The following SKA3 variants were observed in gnomAD, a reference collection of about 807,000 sequenced individuals.
SKA3 encodes spindle and kinetochore associated complex subunit 3.
Under a neutral mutation model 44.2 loss-of-function variants are expected in SKA3, and 39 were observed. The observed-to-expected ratio is 0.88, with a 90% CI of 0.68 to 1.15. The LOEUF is 1.15. Among genes scored for constraint, SKA3 ranks in the 50% most tolerant of loss-of-function variants. SKA3 has a pLI of 0.00. For missense variants in SKA3, 511 were observed against 485.8 expected (o/e 1.05, Z -0.49); for synonymous variants, 192 against 172.0 (o/e 1.12, Z -0.91).
At chr13:21,173,996 C>A (rs1595307948) in intron 1 of SKA3, among the ~76,000 whole-genome samples, 2 of 152,316 alleles carry the variant, frequency 1.3e-5, no homozygotes, top group African/African-American at 4.8e-5. Context: ...TCCTGCTCAT[C>A]ATCACTGGCC....
At position 21,172,355 on chromosome 13, in the gene SKA3, A is replaced by G. The variant is rs780368272; in HGVS notation, c.315T>C (p.Arg105=). 9.0e-6 allele frequency: 14 copies of G among 1,560,582 alleles called. No homozygotes were observed. Among genetic ancestry groups the G allele is most frequent in the Non-Finnish European group, 1.2e-5 (14 of 1,156,948 alleles). ...TATTCAAACCTGAATTTTTCTTGAC[A>G]CGTGGACTATATCCATACTTCTGGA... ...EYFQKYGYSP[R]VKKNSVHEQE... Residue 105 remains arginine (R), a synonymous_variant, in exon 3 of 9, where the codon CGT becomes CGC. Coordinates refer to ENST00000314759, the MANE Select transcript of SKA3 (RefSeq NM_145061.6).
chr13:21,166,471 C>T (rs1353478181), intron 4 of SKA3, among the ~76,000 whole-genome samples: 2 of 152,180 alleles, frequency 1.3e-5, no homozygotes, highest in Admixed American at 6.5e-5. Flanking sequence ...CAGTGGCTCA[C>T]GCCTGTAAAC....
chr13:21,159,957 G>A lies in SKA3; in HGVS notation c.860C>T (p.Pro287Leu). 1.2e-6 allele frequency: 2 copies of A among 1,606,924 alleles called. No homozygotes were observed. The highest frequency in any genetic ancestry group is 4.5e-5 in the East Asian group (2 of 44,402). Residue 287 changes from proline (P) to leucine (L), a missense_variant, in exon 6 of 9, where the codon CCT (proline) becomes CTT (leucine). Coordinates refer to ENST00000314759, the MANE Select transcript of SKA3 (RefSeq NM_145061.6). Reference protein sequence around the residue: ...DAEYTNSPLVPTFCTPGLKIP... With the variant: ...DAEYTNSPLVLTFCTPGLKIP... ...TTTCAAACCAGGAGTACAGAATGTA[G>A]GTACCAAAGGAGAGTTGGTATATTC... is the stretch of plus-strand genomic sequence containing the variant.
Position 21,155,645 on chromosome 13 carries a change from C to A in SKA3, c.1238+48G>T, listed in dbSNP as rs762045857. On this transcript the variant is annotated intron_variant, in intron 8 of 8. Coordinates refer to ENST00000314759, the MANE Select transcript of SKA3 (RefSeq NM_145061.6). ...TGGTCAAATGTTAATTTTTAAATGT[C>A]CTCCTCAAATAACACATGAACTTTC... 6 of 922,696 alleles carry A rather than the reference C, an allele frequency of 6.5e-6. No homozygotes were observed. The Admixed American group carries it at 1.1e-4, about 17-fold the overall frequency. The allele number at this position is 922,696 out of a possible 1,614,324, so 57.2% of individuals were successfully genotyped here.
chr13:21,158,211 G>A (rs1870242035), intron 6 of SKA3, 86 bp from the exon 7 acceptor site: 8 of 743,946 alleles, frequency 1.1e-5, no homozygotes, highest in African/African-American at 1.8e-5. Context: ...TACTTCTATT[G>A]GGGTCTCTAA....
At chr13:21,176,278 T>C in intron 1 of SKA3, 97 bp downstream of exon 1, 2 of 953,848 alleles carry the variant, frequency 2.1e-6, no homozygotes, top group South Asian at 2.1e-5. Flanking sequence ...ACGCCGTCAG[T>C]GCCTGGCGGT....
At chr13:21,168,786 C>G (rs1016632903) in intron 3 of SKA3, among the ~76,000 whole-genome samples, 5 of 152,000 alleles carry the variant, frequency 3.3e-5, no homozygotes, top group African/African-American at 4.8e-5. Context: ...CCTTGGCCCC[C>G]CAAAGTGATG....
intron 4 of SKA3, among the ~76,000 whole-genome samples, chr13:21,163,337 C>T (rs1870538544): frequency 6.6e-6 from 1 of 152,132 alleles, no homozygotes; most frequent in South Asian, 2.1e-4. Flanking sequence ...ACTTTAACTA[C>T]TTGTGTACTC....
Position 21,176,418 on chromosome 13 carries a change from G to A in SKA3, c.60C>T (p.Cys20=), listed in dbSNP as rs1413982245. The part of the protein sequence containing the change: ...KLRSLASTLD[C]ETARLQRALD... Reference sequence around the variant, plus strand: ...GCGCTCGCTGCAGCCGGGCCGTCTCGCAGTCCAGCGTGCTGGCCAGAGACC... The same window carrying A: ...GCGCTCGCTGCAGCCGGGCCGTCTCACAGTCCAGCGTGCTGGCCAGAGACC... The change falls in exon 1 of 9, where the codon TGC becomes TGT. Residue 20 remains cysteine (C), a synonymous_variant. Coordinates refer to ENST00000314759, the MANE Select transcript of SKA3 (RefSeq NM_145061.6). 1 of 1,585,026 alleles carries A rather than the reference G, an allele frequency of 6.3e-7. No homozygotes were observed. The highest frequency in any genetic ancestry group is 8.6e-7 in the Non-Finnish European group (1 of 1,166,852).
chr13:21,156,703 G>A (rs915872627), intron 7 of SKA3, among the ~76,000 whole-genome samples: 2 of 152,144 alleles, frequency 1.3e-5, no homozygotes, highest in Admixed American at 6.5e-5. Flanking sequence ...AGTATTTTCC[G>A]AAGTGATTTA....
rs137994584 is a variant in SKA3 at position 21,168,394 on chromosome 13, C to T, written c.337G>A (p.Glu113Lys). The T allele has an allele frequency of 3.5e-5, 55 of 1,590,812 alleles. No individual in the cohort carries two copies. In the East Asian group the frequency reaches 9.4e-4, roughly 27 times the overall value. Residue 113 changes from glutamate (E) to lysine (K), a missense_variant, in exon 4 of 9, where the codon GAG becomes AAG. Coordinates refer to ENST00000314759, the MANE Select transcript of SKA3 (RefSeq NM_145061.6). ...SPRVKKNSVH[E>K]QEAINSDPEL... is the part of the protein sequence containing the mutation. ...GGGTCAGAGTTAATGGCTTCTTGCT[C>T]GTGTACTAGGAGGAAAAATCAGAAT... is the stretch of plus-strand genomic sequence containing the variant.
intron 1 of SKA3, among the ~76,000 whole-genome samples, chr13:21,176,020 G>A (rs1455747397): frequency 1.3e-5 from 2 of 152,168 alleles, no homozygotes; most frequent in African/African-American, 4.8e-5. Flanking sequence ...GTATAAATTA[G>A]TATATGTATT....
In SKA3 at chr13:21,155,051, A is replaced by AG; in HGVS notation, c.*98dup. 1 of 1,578,518 alleles carries AG rather than the reference A, an allele frequency of 6.3e-7. No individual in the cohort carries two copies. ...GTCTTTAAAATGGGTCAACGTTTAA[A>AG]GGGGGACAGAGGCAGGGCAATGTGA... is the stretch of plus-strand genomic sequence containing the variant. On this transcript the variant is annotated 3_prime_UTR_variant, in exon 9 of 9. Transcript: ENST00000314759.
intron 4 of SKA3, among the ~76,000 whole-genome samples, chr13:21,162,453 C>T (rs181752560): frequency 5.3e-4 from 81 of 152,100 alleles, no homozygotes; most frequent in African/African-American, 1.9e-3. Context: ...GCAACCTCCA[C>T]CTCCCAGGTT....
rs1345749235 is a variant in SKA3, at chr13:21,154,082, CAG to C, written c.*1066_*1067del. 1.3e-5 allele frequency: 2 copies of C among 152,244 alleles called. No individual in the cohort carries two copies. Among genetic ancestry groups the C allele is most frequent in the East Asian group, 1.9e-4 (1 of 5,202 alleles). 9.4% of individuals were successfully genotyped at this position (152,244 alleles called of 1,614,324 possible). A position where few individuals can be genotyped will look rare whatever the true frequency, so the allele number is the denominator to read the frequency against. On this transcript the variant is annotated 3_prime_UTR_variant, in exon 9 of 9. Coordinates refer to ENST00000314759, the MANE Select transcript of SKA3 (RefSeq NM_145061.6). ...TGACTTTCAAGGAACAATCATAAAA[CAG>C]GGTAATCTTTACTGCATCAAATTCC...
chr13:21,176,148 A>G (rs1293537925), intron 1 of SKA3, among the ~76,000 whole-genome samples: 1 of 152,194 alleles, frequency 6.6e-6, no homozygotes, highest in Admixed American at 6.5e-5. Context: ...TGGGTCTAAA[A>G]CGGACACGCG....
At position 21,155,043 on chromosome 13, in the gene SKA3, A is replaced by G; in HGVS notation, c.*107T>C. The G allele has an allele frequency of 4.5e-6, 7 of 1,554,280 alleles. No homozygotes were observed. Among genetic ancestry groups the G allele is most frequent in the South Asian group, 1.2e-5 (1 of 86,100 alleles). ...TCATGTTTGTCTTTAAAATGGGTCAACGTTTAAAGGGGGACAGAGGCAGGG... is the reference window on the plus strand; with the variant it reads ...TCATGTTTGTCTTTAAAATGGGTCAGCGTTTAAAGGGGGACAGAGGCAGGG... On this transcript the variant is annotated 3_prime_UTR_variant, in exon 9 of 9. Transcript: ENST00000314759.
At position 21,172,461 on chromosome 13, in the gene SKA3, T is replaced by C. The variant is rs781155725; in HGVS notation, c.209A>G (p.Gln70Arg). The C allele has an allele frequency of 2.6e-6, 4 of 1,562,624 alleles. No individual in the cohort carries two copies. The South Asian group carries it at 4.7e-5, about 18-fold the overall frequency. ...TGCCTTTATGAAATCAATGCCTTCT[T>C]GATTTTCCAATCTTGCTTTATCAAG... The part of the protein sequence containing the change: ...ILLDKARLEN[Q>R]EGIDFIKATK... The change falls in exon 3 of 9, where the codon CAA (glutamine) becomes CGA (arginine). Residue 70 changes from glutamine to arginine, a missense_variant. By Grantham distance (43) the Gln-to-Arg change is conservative. Coordinates refer to ENST00000314759, the MANE Select transcript of SKA3 (RefSeq NM_145061.6).
At position 21,158,094 on chromosome 13, in the gene SKA3, T is replaced by A; in HGVS notation, c.947A>T (p.Asn316Ile). The A allele has an allele frequency of 6.2e-7, 1 of 1,611,498 alleles. No homozygotes were observed. Among genetic ancestry groups the A allele is most frequent in the Non-Finnish European group, 8.5e-7 (1 of 1,177,760 alleles). ...VSTNYPLSKT[N>I]SSSNDLEVED... ...AACTTCCAAATCATTTGATGAACTA[T>A]TTGTTTTTGATAATGGGTAATTTGT... Residue 316 changes from asparagine to isoleucine, a missense_variant, in exon 7 of 9, where the codon AAT becomes ATT. Asn to Ile is a moderately radical substitution (Grantham distance 149). Coordinates refer to ENST00000314759, the MANE Select transcript of SKA3 (RefSeq NM_145061.6).
Sources: gnomAD v4.1 joint callset for allele counts (sites outside exome capture counted in the v4.1 genomes callset) on GRCh38, gnomAD v4.1.1 for gene constraint, MANE v1.5 for transcripts, NCBI Gene and HGNC (gene_info 2026-07-23, HGNC 2026-07-21) for gene names.